The following MYBPH variants were observed in gnomAD, a reference collection of about 807,000 sequenced individuals.
The protein encoded by MYBPH is myosin-binding protein H.
A neutral mutation model predicts 53.6 loss-of-function variants in MYBPH; 49 were observed. The ratio of observed to expected loss-of-function variants is 0.91; its 90% CI spans 0.73 to 1.16. The LOEUF (loss-of-function observed/expected upper bound fraction) is 1.16, where lower values mean the gene tolerates loss of function less well. Ranked by LOEUF, MYBPH falls within the 50% of genes most tolerant of loss-of-function variation. MYBPH has a pLI of 0.00. For missense variants in MYBPH, 558 were observed against 624.1 expected (o/e 0.89, Z 1.13); for synonymous variants, 239 against 249.6 (o/e 0.96, Z 0.40).
At position 203,175,671 on chromosome 1, in the gene MYBPH, G is replaced by T; in HGVS notation, c.85C>A (p.Pro29Thr). 6.2e-7 allele frequency: 1 copy of T among 1,614,012 alleles called. No homozygotes were observed. Among genetic ancestry groups the T allele is most frequent in the Non-Finnish European group, 8.5e-7 (1 of 1,179,944 alleles). The change falls in exon 1 of 11, where the codon CCT becomes ACT. Residue 29 changes from proline (P) to threonine (T), a missense_variant. Physicochemically the swap from Pro to Thr is conservative, Grantham distance 38 (BLOSUM62 -1). Transcript: ENST00000255416. The part of the protein sequence containing the change: ...SESAKVPTAE[P>T]PGEVAVSEST... ...TCTGATACTGCCACTTCTCCGGGAGGCTCTGCTGTGGGCACCTTGGCAGAT... is the reference window on the plus strand; with the variant it reads ...TCTGATACTGCCACTTCTCCGGGAGTCTCTGCTGTGGGCACCTTGGCAGAT...
At chr1:203,178,416 T>A (rs1655857945), upstream of MYBPH, among the ~76,000 whole-genome samples, 1 of 152,156 alleles carries the variant, frequency 6.6e-6, no homozygotes, top group South Asian at 2.1e-4. Context: ...TGCCCCTCAC[T>A]GGGAGGCTGG....
rs2791721 is a variant in MYBPH at position 203,175,610 on chromosome 1, G to A, written c.146C>T (p.Ala49Val). ...GGCTGTAGGGGCCTGTGGGGCAGGG[G>A]CCTGCGGCTTGGGCACCTGCTCTTC... is the stretch of plus-strand genomic sequence containing the variant. Reference protein sequence around the residue: ...TREEQVPKPQAPAPQAPTAST... With the variant: ...TREEQVPKPQVPAPQAPTAST... The change falls in exon 1 of 11, where the codon GCC becomes GTC. Residue 49 changes from alanine to valine, a missense_variant. Ala to Val is a moderately conservative substitution (Grantham distance 64, BLOSUM62 0). Transcript: ENST00000255416. The A allele has an allele frequency of 8.1e-6, 13 of 1,613,836 alleles. No individual in the cohort carries two copies. The Admixed American group carries it at 1.5e-4, about 19-fold the overall frequency.
At chr1:203,169,973 C>T (rs552346591) in intron 7 of MYBPH, among the ~76,000 whole-genome samples, 11 of 152,324 alleles carry the variant, frequency 7.2e-5, no homozygotes, top group South Asian at 6.2e-4. Flanking sequence ...AGGTTCCCTT[C>T]GGACACTCAC....
At chr1:203,170,135 TC>T (rs1442392486) in intron 7 of MYBPH, among the ~76,000 whole-genome samples, 155 bp downstream of exon 7, 2 of 152,220 alleles carry the variant, frequency 1.3e-5, no homozygotes, top group Non-Finnish European at 2.9e-5. Flanking sequence ...TTGCAGCCAC[TC>T]CATGTGTGTG....
At chr1:203,179,026 G>A (rs1025543021), upstream of MYBPH, 1 of 159,916 alleles carries the variant, frequency 6.3e-6, no homozygotes, top group African/African-American at 2.4e-5. Flanking sequence ...AAGGTTTCAA[G>A]CTGGGCTTTG....
At position 203,175,514 on chromosome 1, in the gene MYBPH, C is replaced by A. The variant is rs375224349; in HGVS notation, c.205+37G>T. 15 of 1,612,364 alleles carry A rather than the reference C, an allele frequency of 9.3e-6. No individual in the cohort carries two copies. The African/African-American group carries it at 1.9e-4, about 20-fold the overall frequency. ...AGAGCTCCCCTCCACCCCTGACATG[C>A]CTGCCTCCCTCCTCCCCCTGCCCCA... On this transcript the variant is annotated intron_variant, in intron 1 of 10. Transcript: ENST00000255416.
At chr1:203,175,833 G>A, upstream of MYBPH, 6 of 1,442,482 alleles carry the variant, frequency 4.2e-6, no homozygotes, top group Non-Finnish European at 5.8e-6. Flanking sequence ...GGGTGCCTGG[G>A]ACACCTAGGT....
At chr1:203,176,657 G>A (rs561797299), upstream of MYBPH, among the ~76,000 whole-genome samples, 106 of 152,300 alleles carry the variant, frequency 7.0e-4, no homozygotes, top group African/African-American at 2.5e-3. Flanking sequence ...GGCAGATATG[G>A]CCAGATTTCT....
chr1:203,169,822 G>A (rs1030151410), intron 7 of MYBPH, among the ~76,000 whole-genome samples: 3 of 152,214 alleles, frequency 2.0e-5, no homozygotes, highest in African/African-American at 7.2e-5. Context: ...AGGGCCCGGG[G>A]TTTAACATTT....
At chr1:203,175,237 A>T in intron 2 of MYBPH, 90 bp downstream of exon 2, 1 of 1,460,800 alleles carries the variant, frequency 6.8e-7, no homozygotes, top group Non-Finnish European at 9.1e-7. Context: ...TCTCTCCCAG[A>T]CTGACCAACC....
At position 203,170,243 on chromosome 1, in the gene MYBPH, C is replaced by T. The variant is rs1206555176; in HGVS notation, c.1093+48G>A. 3 of 1,605,476 alleles carry T rather than the reference C, an allele frequency of 1.9e-6. No homozygotes were observed. In the East Asian group the frequency reaches 6.7e-5, roughly 36 times the overall value. ...GGGTGCAGAGACGCGGAGGAAGAAG[C>T]AGAGACAGGGAGAGAGTTAGCACAG... On this transcript the variant is annotated intron_variant, in intron 7 of 10. Transcript: ENST00000255416.
At position 203,170,472 on chromosome 1, in the gene MYBPH, C is replaced by T. The variant is rs749336093; in HGVS notation, c.934-22G>A. ...ATTGCTGCAGGGCCCCGGGTGTCAC[C>T]CTCATTTCTCACCCCTGTCCTCACC... On this transcript the variant is annotated intron_variant, in intron 6 of 10. Transcript: ENST00000255416. 5 of 1,611,360 alleles carry T rather than the reference C, an allele frequency of 3.1e-6. No individual in the cohort carries two copies. The South Asian group carries it at 5.5e-5, about 18-fold the overall frequency.
chr1:203,170,460 C>T lies in MYBPH; in HGVS notation c.934-10G>A. On this transcript the variant is annotated splice_polypyrimidine_tract_variant and intron_variant, in intron 6 of 10. Coordinates refer to ENST00000255416, the MANE Select transcript of MYBPH (RefSeq NM_004997.3). ...GCACTGTGAACCATTGCTGCAGGGC[C>T]CCGGGTGTCACCCTCATTTCTCACC... 1 of 1,613,016 alleles carries T rather than the reference C, an allele frequency of 6.2e-7. No individual in the cohort carries two copies. Among genetic ancestry groups the T allele is most frequent in the Middle Eastern group, 1.7e-4 (1 of 6,052 alleles).
chr1:203,172,706 T>C lies in MYBPH; in HGVS notation c.509-666A>G, dbSNP rs527860884. Among the ~76,000 whole-genome samples, 175 of 152,296 alleles carry C rather than the reference T, an allele frequency of 1.1e-3. 1 individual carries two copies. The highest frequency in any genetic ancestry group is 2.6e-3 in the African/African-American group (108 of 41,580). On this transcript the variant is annotated intron_variant, in intron 3 of 10. Coordinates refer to ENST00000255416, the MANE Select transcript of MYBPH (RefSeq NM_004997.3). ...CTGCCTGCTATGCTAAGGAATGACA[T>C]TCTGACCCTCATCTGGTCAGGGGCA...
chr1:203,175,283 G>A (rs1315391868), intron 2 of MYBPH, 44 bp downstream of exon 2: 12 of 1,505,666 alleles, frequency 8.0e-6, no homozygotes, highest in Non-Finnish European at 1.1e-5. Flanking sequence ...AGCCCTCCAT[G>A]ACAACCTCCC....
rs145262459 is a variant in MYBPH, at chr1:203,174,508, G to A, written c.430C>T (p.Arg144Cys). Residue 144 changes from arginine to cysteine, a missense_variant, in exon 3 of 11, where the codon CGC (arginine) becomes TGC (cysteine). By Grantham distance (180) the Arg-to-Cys change is radical. Coordinates refer to ENST00000255416, the MANE Select transcript of MYBPH (RefSeq NM_004997.3). ...NLALGDKFLL[R>C]VSAVSSAGAG... ...CCTGCAGAACTCACTGCAGACACGCGCAGGAGGAACTTGTCTCCCAGAGCC... is the reference window on the plus strand; with the variant it reads ...CCTGCAGAACTCACTGCAGACACGCACAGGAGGAACTTGTCTCCCAGAGCC... 54 of 1,613,414 alleles carry A rather than the reference G, an allele frequency of 3.3e-5. No homozygotes were observed. Among genetic ancestry groups the A allele is most frequent in the Non-Finnish European group, 4.0e-5 (47 of 1,179,498 alleles).
chr1:203,178,177 G>A (rs528925912), upstream of MYBPH, among the ~76,000 whole-genome samples: 41 of 152,298 alleles, frequency 2.7e-4, no homozygotes, highest in East Asian at 2.1e-3. Flanking sequence ...TGATGAGAGC[G>A]TCTCCACCTC....
chr1:203,176,529 G>A (rs895425524), upstream of MYBPH, among the ~76,000 whole-genome samples: 2 of 152,122 alleles, frequency 1.3e-5, no homozygotes, highest in African/African-American at 2.4e-5. Context: ...CTCGCCCTTC[G>A]GGATGGGTTG....
chr1:203,178,454 G>C (rs1349678966), upstream of MYBPH, among the ~76,000 whole-genome samples: 1 of 152,194 alleles, frequency 6.6e-6, no homozygotes, highest in Non-Finnish European at 1.5e-5. Flanking sequence ...ACTCTGCAGG[G>C]ACTCCAGTCC....
Sources: allele counts gnomAD v4.1 joint callset (sites outside exome capture counted in the v4.1 genomes callset), GRCh38; gene constraint gnomAD v4.1.1; transcripts MANE v1.5; gene names NCBI Gene and HGNC (gene_info 2026-07-23, HGNC 2026-07-21).